Variants in HIPK3 observed in about 807,000 individuals in gnomAD.
HIPK3 encodes homeodomain-interacting protein kinase 3.
In HIPK3, 47 loss-of-function variants were observed where a neutral mutation model predicts 124.2. That is an observed-to-expected ratio of 0.38 (90% CI 0.30 to 0.48). HIPK3 has a LOEUF of 0.48. Among genes scored for constraint, HIPK3 ranks in the 20% least tolerant of loss-of-function variants. HIPK3 has a pLI of 0.98. For synonymous variants in HIPK3, 482 were observed against 515.2 expected, an observed-to-expected ratio of 0.94 and a Z score of 0.87; for missense variants, 1,286 against 1,454.3, an observed-to-expected ratio of 0.88 and a Z score of 1.88.
chr11:33,292,128 G>T (rs266463), intron 2 of HIPK3, among the ~76,000 whole-genome samples: 2,042 of 152,118 alleles, frequency 0.013, 49 homozygotes, highest in African/African-American at 0.046. Context: ...TTTTTTCAAA[G>T]TGCCTTTCGT....
intron 1 of HIPK3, among the ~76,000 whole-genome samples, chr11:33,268,436 A>G (rs556798158): frequency 6.6e-6 from 1 of 151,758 alleles, no homozygotes; most frequent in Non-Finnish European, 1.5e-5. Context: ...TCTATAAAAA[A>G]TACAATTACC....
intron 2 of HIPK3, among the ~76,000 whole-genome samples, chr11:33,303,577 T>C (rs956596035): frequency 1.3e-5 from 2 of 152,248 alleles, no homozygotes; most frequent in South Asian, 4.1e-4. Context: ...GAATGTACTA[T>C]GTCAATAGAA....
At chr11:33,329,336 G>A (rs1159919201) in intron 3 of HIPK3, among the ~76,000 whole-genome samples, 1 of 152,064 alleles carries the variant, frequency 6.6e-6, no homozygotes, top group East Asian at 1.9e-4. Context: ...AATAGAAAAT[G>A]CTAGTCAAAA....
chr11:33,346,883 A>G (rs972053618), intron 8 of HIPK3, among the ~76,000 whole-genome samples: 3 of 152,172 alleles, frequency 2.0e-5, no homozygotes, highest in African/African-American at 7.2e-5. Flanking sequence ...TATGCAGAGA[A>G]TGGTATCATA....
intron 8 of HIPK3, among the ~76,000 whole-genome samples, chr11:33,343,788 A>C (rs1853414964): frequency 6.6e-6 from 1 of 152,138 alleles, no homozygotes; most frequent in African/African-American, 2.4e-5. Context: ...TTTTCAAGTA[A>C]TGTATCATTG....
chr11:33,352,005 C>T, intron 15 of HIPK3, 133 bp from the exon 16 acceptor site: 1 of 1,052,040 alleles, frequency 9.5e-7, no homozygotes, highest in Non-Finnish European at 1.4e-6. Flanking sequence ...GCTTGGAAAC[C>T]ATGACCTCTC....
intron 2 of HIPK3, among the ~76,000 whole-genome samples, chr11:33,326,757 G>A (rs1283500765): frequency 6.6e-6 from 1 of 151,580 alleles, no homozygotes; most frequent in East Asian, 1.9e-4. Context: ...CTGCAGCTTG[G>A]ACCTCCTGGG....
chr11:33,303,886 C>T (rs1304677544), intron 2 of HIPK3, among the ~76,000 whole-genome samples: 3 of 151,946 alleles, frequency 2.0e-5, no homozygotes, highest in African/African-American at 2.4e-5. Flanking sequence ...CAAAGAATGT[C>T]GTGTATATCT....
chr11:33,313,909 G>T (rs771328804), intron 2 of HIPK3, among the ~76,000 whole-genome samples: 11 of 151,848 alleles, frequency 7.2e-5, no homozygotes, highest in Non-Finnish European at 1.5e-4. Flanking sequence ...GTGGTATAAA[G>T]ACAGCTCACT....
At chr11:33,297,647 G>T (rs1851877765) in intron 2 of HIPK3, among the ~76,000 whole-genome samples, 1 of 152,168 alleles carries the variant, frequency 6.6e-6, no homozygotes, top group Admixed American at 6.5e-5. Context: ...GAGATCATTG[G>T]TAAAGGTGGC....
chr11:33,273,748 T>A (rs1170718728), intron 1 of HIPK3, among the ~76,000 whole-genome samples: 3 of 152,138 alleles, frequency 2.0e-5, no homozygotes, highest in Non-Finnish European at 4.4e-5. Context: ...ATTCAACTTA[T>A]TTTTTCCAGG....
intron 16 of HIPK3, among the ~76,000 whole-genome samples, chr11:33,352,753 T>C (rs1237825985): frequency 1.3e-5 from 2 of 152,148 alleles, no homozygotes; most frequent in Non-Finnish European, 1.5e-5. Flanking sequence ...GTTTTAGAAG[T>C]AAATAACATT....
intron 8 of HIPK3, among the ~76,000 whole-genome samples, chr11:33,345,971 A>G (rs1853480821): frequency 6.6e-6 from 1 of 152,218 alleles, no homozygotes; most frequent in African/African-American, 2.4e-5. Context: ...AGAAACACTC[A>G]ACATCACATT....
chr11:33,310,253 TGTCTGTCTGTCTGTCTGTC>T (rs1308732066), intron 2 of HIPK3, among the ~76,000 whole-genome samples: 1 of 148,504 alleles, frequency 6.7e-6, no homozygotes, highest in Non-Finnish European at 1.5e-5. Context: ...TCTGTCTGTC[TGTCTGTCTGTCTGTCTGTC>T]TGTCTATCTT....
chr11:33,298,261 T>C (rs999268867), intron 2 of HIPK3, among the ~76,000 whole-genome samples: 6 of 152,206 alleles, frequency 3.9e-5, no homozygotes, highest in Non-Finnish European at 8.8e-5. Context: ...AGAGCATATC[T>C]ATTTACAGCA....
In HIPK3 at chr11:33,293,457, A is replaced by T. The variant is rs144686235; in HGVS notation, c.1097+5946A>T. Among the ~76,000 whole-genome samples, 20 of 152,170 alleles carry T rather than the reference A, an allele frequency of 1.3e-4. No homozygotes were observed. In the East Asian group the frequency reaches 3.7e-3, roughly 28 times the overall value. On this transcript the variant is annotated intron_variant, in intron 2 of 16. Transcript: ENST00000303296. ...TCACCCCCAGCCCTAAGCAACCACT[A>T]ATCTACTTGCTGCCTGTGTAGATCA...
intron 2 of HIPK3, among the ~76,000 whole-genome samples, chr11:33,306,044 A>G (rs1208214372): frequency 6.6e-6 from 1 of 152,122 alleles, no homozygotes; most frequent in Non-Finnish European, 1.5e-5. Flanking sequence ...GGAAGCACAT[A>G]ACTTTAAAGC....
rs139268284 is a variant in HIPK3 at position 33,325,429 on chromosome 11, T to TAG, written c.1098-3080_1098-3079insGA. 2.4e-3 allele frequency among the ~76,000 whole-genome samples: 370 copies of TAG among 152,344 alleles called. 1 individual carries two copies. The highest frequency in any genetic ancestry group is 8.3e-3 in the African/African-American group (347 of 41,584). Reference sequence around the variant, plus strand: ...ACAGTAATAGGCCTATCATTAGTCTTACTGATTTTTGTTTTGCATTCAGAT... The same window carrying TAG: ...ACAGTAATAGGCCTATCATTAGTCTTAGACTGATTTTTGTTTTGCATTCAGAT... On this transcript the variant is annotated intron_variant, in intron 2 of 16. Coordinates refer to ENST00000303296, the MANE Select transcript of HIPK3 (RefSeq NM_005734.5).
At chr11:33,343,728 A>G (rs912628671) in intron 8 of HIPK3, among the ~76,000 whole-genome samples, 2 of 152,284 alleles carry the variant, frequency 1.3e-5, no homozygotes, top group Non-Finnish European at 2.9e-5. Flanking sequence ...ATCTTTAGTT[A>G]CTGTTGTTCT....
Sources: allele counts gnomAD v4.1 joint callset (sites outside exome capture counted in the v4.1 genomes callset), GRCh38; gene constraint gnomAD v4.1.1; transcripts MANE v1.5; gene names NCBI Gene and HGNC (gene_info 2026-07-23, HGNC 2026-07-21).